PCSK6: variants seen among roughly 807,000 people sequenced by gnomAD.
The protein encoded by PCSK6 is proprotein convertase subtilisin/kexin type 6.
A neutral mutation model predicts 123.3 loss-of-function variants in PCSK6; 85 were observed. The ratio of observed to expected loss-of-function variants is 0.69; its 90% CI spans 0.58 to 0.83. The LOEUF (loss-of-function observed/expected upper bound fraction) is 0.83. Among genes scored for constraint, PCSK6 ranks in the 40% least tolerant of loss-of-function variants. The pLI, the probability that PCSK6 is intolerant of heterozygous loss-of-function variation, is 0.00. For missense variants in PCSK6, 1,191 were observed against 1,282.3 expected (o/e 0.93, Z 1.09); for synonymous variants, 508 against 516.0 (o/e 0.98, Z 0.21).
At chr15:101,429,863 C>T (rs1455735272) in intron 5 of PCSK6, 124 bp downstream of exon 5, 1 of 792,484 alleles carries the variant, frequency 1.3e-6, no homozygotes, top group African/African-American at 1.7e-5. Flanking sequence ...AGAAGCCTGC[C>T]TCGCGCCCAG....
chr15:101,379,482 C>T (rs2041849882), intron 11 of PCSK6, among the ~76,000 whole-genome samples: 1 of 152,196 alleles, frequency 6.6e-6, no homozygotes, highest in African/African-American at 2.4e-5. Flanking sequence ...CACCATATCC[C>T]ACGCAGTGCA....
chr15:101,348,863 G>C (rs987284368), intron 13 of PCSK6, among the ~76,000 whole-genome samples: 5 of 152,138 alleles, frequency 3.3e-5, no homozygotes, highest in Non-Finnish European at 5.9e-5. Flanking sequence ...TCCAAATCCC[G>C]TTCAGGAGCT....
chr15:101,462,442 A>T (rs997913466), intron 1 of PCSK6, among the ~76,000 whole-genome samples: 1 of 152,242 alleles, frequency 6.6e-6, no homozygotes, highest in Non-Finnish European at 1.5e-5. Context: ...TTCAAAGTTA[A>T]TATGAAACAA....
In PCSK6 at chr15:101,436,555, C is replaced by A. The variant is rs370726918; in HGVS notation, c.403-4455G>T. Among the ~76,000 whole-genome samples the A allele has an allele frequency of 1.6e-4, 24 of 152,318 alleles. 2 individuals carry two copies. The highest frequency in any genetic ancestry group is 8.3e-4 in the South Asian group (4 of 4,814). On this transcript the variant is annotated intron_variant, in intron 2 of 21. Transcript: ENST00000611716. ...ACCAGGGCATATCAAGGGAGGGAGT[C>A]GGAGGCCATACCTCGGCACCCAGGA...
chr15:101,412,691 T>TTATATATATA (rs149902723), intron 6 of PCSK6, among the ~76,000 whole-genome samples: 20 of 124,750 alleles, frequency 1.6e-4, no homozygotes, highest in African/African-American at 5.5e-4. Context: ...AACTGGAAAA[T>TTATATATATA]TATATATATA....
At chr15:101,350,727 G>A (rs1231945096) in intron 13 of PCSK6, among the ~76,000 whole-genome samples, 1 of 152,178 alleles carries the variant, frequency 6.6e-6, no homozygotes, top group African/African-American at 2.4e-5. Flanking sequence ...AAGAGGAGCT[G>A]GGACGGGTGG....
At chr15:101,471,607 A>G (rs1044846820) in intron 1 of PCSK6, among the ~76,000 whole-genome samples, 2 of 152,224 alleles carry the variant, frequency 1.3e-5, no homozygotes, top group Non-Finnish European at 2.9e-5. Context: ...TTCAACATAC[A>G]CATCATTATT....
In PCSK6 at chr15:101,443,552, G is replaced by A. The variant is rs2056810485; in HGVS notation, c.402+4C>T. 6.2e-7 allele frequency: 1 copy of A among 1,603,636 alleles called. No individual in the cohort carries two copies. The highest frequency in any genetic ancestry group is 1.3e-5 in the African/African-American group (1 of 74,706). On this transcript the variant is annotated splice_donor_region_variant and intron_variant, in intron 2 of 21. Transcript: ENST00000611716. ...CCTTAGGAAAGCATCCGGACACTCT[G>A]TACCTGGGGGTCCATTCTGAGGAAG...
chr15:101,375,816 C>A (rs944257546), intron 11 of PCSK6, among the ~76,000 whole-genome samples: 2 of 152,178 alleles, frequency 1.3e-5, no homozygotes, highest in African/African-American at 4.8e-5. Flanking sequence ...GGGTGAATCA[C>A]TTGAGGTCAG....
At chr15:101,393,530 A>C in intron 7 of PCSK6, 106 bp from the exon 8 acceptor site, 1 of 815,130 alleles carries the variant, frequency 1.2e-6, no homozygotes, top group Non-Finnish European at 1.9e-6. Context: ...TCAAAGGGAT[A>C]AGAAGGTTGC....
At chr15:101,388,577 A>G (rs1263037198) in intron 9 of PCSK6, among the ~76,000 whole-genome samples, 3 of 152,232 alleles carry the variant, frequency 2.0e-5, no homozygotes, top group African/African-American at 7.2e-5. Context: ...AGCGCAACCT[A>G]AAGTGTGGAT....
intron 16 of PCSK6, among the ~76,000 whole-genome samples, chr15:101,325,816 G>C (rs773396669): frequency 2.0e-5 from 3 of 152,224 alleles, no homozygotes; most frequent in Non-Finnish European, 4.4e-5. Flanking sequence ...GGGTCAGCCT[G>C]AACCGGGCAA....
At chr15:101,397,970 G>C (rs966385733) in intron 7 of PCSK6, among the ~76,000 whole-genome samples, 10 of 152,222 alleles carry the variant, frequency 6.6e-5, no homozygotes, top group African/African-American at 2.4e-4. Flanking sequence ...GCGGGGCCTG[G>C]GTGAGCACAT....
chr15:101,454,429 A>C (rs554099947), intron 1 of PCSK6, among the ~76,000 whole-genome samples: 1 of 152,306 alleles, frequency 6.6e-6, no homozygotes, highest in African/African-American at 2.4e-5. Context: ...ACACGATGGA[A>C]TATGGCTCAG....
chr15:101,405,464 C>T (rs2042744705), intron 6 of PCSK6, among the ~76,000 whole-genome samples: 1 of 152,078 alleles, frequency 6.6e-6, no homozygotes, highest in East Asian at 1.9e-4. Context: ...GAACCTGGTG[C>T]CTTTGTGTTT....
intron 13 of PCSK6, among the ~76,000 whole-genome samples, chr15:101,332,340 G>A (rs962457114): frequency 2.4e-4 from 37 of 152,200 alleles, no homozygotes; most frequent in African/African-American, 5.8e-4. Flanking sequence ...GCTGTCCTCT[G>A]CCCTGCTGAT....
At chr15:101,451,573 T>A (rs2057036539) in intron 1 of PCSK6, among the ~76,000 whole-genome samples, 2 of 151,822 alleles carry the variant, frequency 1.3e-5, no homozygotes, top group South Asian at 4.1e-4. Context: ...AAAACTGTAC[T>A]TTATCACTCC....
chr15:101,442,024 C>G (rs1438891617), intron 2 of PCSK6, among the ~76,000 whole-genome samples: 1 of 152,202 alleles, frequency 6.6e-6, no homozygotes, highest in East Asian at 1.9e-4. Flanking sequence ...CAGTTTTCTA[C>G]TGATCCACCC....
chr15:101,485,307 G>GT (rs1430121322), intron 1 of PCSK6, among the ~76,000 whole-genome samples: 4 of 151,968 alleles, frequency 2.6e-5, no homozygotes, highest in Admixed American at 2.6e-4. Context: ...TTTTCTTAGT[G>GT]ATTTATAGTT....
Sources: allele counts gnomAD v4.1 joint callset (sites outside exome capture counted in the v4.1 genomes callset), GRCh38; gene constraint gnomAD v4.1.1; transcripts MANE v1.5; gene names NCBI Gene and HGNC (gene_info 2026-07-23, HGNC 2026-07-21).